RAPGEF1: variants seen among roughly 807,000 people sequenced by gnomAD.
RAPGEF1 encodes CRK SH3-binding GNRP.
In RAPGEF1, 33 loss-of-function variants were observed where a neutral mutation model predicts 143.3. The observed-to-expected ratio is 0.23, with a 90% CI of 0.17 to 0.31. The LOEUF is 0.31. Ranked by LOEUF, RAPGEF1 falls within the 10% of genes least tolerant of loss-of-function variation. The pLI, the probability that RAPGEF1 is intolerant of heterozygous loss-of-function variation, is 1.00. For missense variants in RAPGEF1, 1,199 were observed against 1,645.4 expected, an observed-to-expected ratio of 0.73 and a Z score of 4.69; for synonymous variants, 629 against 676.5, an observed-to-expected ratio of 0.93 and a Z score of 1.09.
At chr9:131,732,430 A>ATGCACTCAAGTGGAAGCTCAAAGAACG (rs1326220951) in intron 1 of RAPGEF1, among the ~76,000 whole-genome samples, 11 of 152,090 alleles carry the variant, frequency 7.2e-5, no homozygotes, top group African/African-American at 2.2e-4. Context: ...CTCAAAGAAC[A>ATGCACTCAAGTGGAAGCTCAAAGAACG]TGCACTCAAG....
chr9:131,614,487 G>A (rs887469491), intron 12 of RAPGEF1, among the ~76,000 whole-genome samples: 1 of 152,188 alleles, frequency 6.6e-6, no homozygotes, highest in African/African-American at 2.4e-5. Flanking sequence ...GGGTTTCTGT[G>A]ATGGCTCATC....
At chr9:131,706,011 T>C (rs548285314) in intron 1 of RAPGEF1, among the ~76,000 whole-genome samples, 84 of 152,342 alleles carry the variant, frequency 5.5e-4, no homozygotes, top group African/African-American at 2.0e-3. Context: ...TTGGCTCTGG[T>C]TAAAGTCTTA....
chr9:131,582,762 G>C, intron 24 of RAPGEF1, 60 bp from the exon 25 acceptor site: 10 of 1,408,662 alleles, frequency 7.1e-6, no homozygotes, highest in Non-Finnish European at 7.7e-6. Flanking sequence ...GGCAATGCTG[G>C]GGCAGAGCCC....
chr9:131,639,220 G>A (rs1420785884), intron 4 of RAPGEF1, among the ~76,000 whole-genome samples: 1 of 151,956 alleles, frequency 6.6e-6, no homozygotes, highest in African/African-American at 2.4e-5. Flanking sequence ...GTGCCACAAG[G>A]AGCCGACAGG....
intron 1 of RAPGEF1, among the ~76,000 whole-genome samples, chr9:131,695,688 T>C (rs992094732): frequency 6.6e-6 from 1 of 152,190 alleles, no homozygotes; most frequent in African/African-American, 2.4e-5. Context: ...GAAACTTAAC[T>C]GTCCATATGC....
chr9:131,601,864 G>A (rs1956324313), intron 15 of RAPGEF1, among the ~76,000 whole-genome samples, 197 bp downstream of exon 15: 1 of 152,142 alleles, frequency 6.6e-6, no homozygotes, highest in African/African-American at 2.4e-5. Context: ...CTGCAATTGT[G>A]CCACTGCACT....
chr9:131,654,971 CCTCT>C (rs1333592304), intron 1 of RAPGEF1, among the ~76,000 whole-genome samples: 2 of 152,134 alleles, frequency 1.3e-5, no homozygotes, highest in African/African-American at 2.4e-5. Flanking sequence ...AAAAGCACTC[CCTCT>C]GTCAAGTTTT....
chr9:131,703,844 C>T (rs556939975), intron 1 of RAPGEF1, among the ~76,000 whole-genome samples: 6 of 152,242 alleles, frequency 3.9e-5, no homozygotes, highest in Middle Eastern at 3.4e-3. Context: ...ATCAGGCATG[C>T]GATACCTTAA....
At chr9:131,707,318 A>G (rs900842383) in intron 1 of RAPGEF1, among the ~76,000 whole-genome samples, 7 of 152,260 alleles carry the variant, frequency 4.6e-5, no homozygotes, top group Non-Finnish European at 1.0e-4. Context: ...TACATGAAAG[A>G]AAGTATAACA....
intron 1 of RAPGEF1, among the ~76,000 whole-genome samples, chr9:131,666,128 G>C (rs1482026051): frequency 6.6e-6 from 1 of 152,202 alleles, no homozygotes; most frequent in Non-Finnish European, 1.5e-5. Flanking sequence ...CAGAGATGTA[G>C]ATAAGATGGT....
At position 131,588,931 on chromosome 9, in the gene RAPGEF1, G is replaced by C; in HGVS notation, c.2923C>G (p.Leu975Val). 1.2e-6 allele frequency: 2 copies of C among 1,613,972 alleles called. No individual in the cohort carries two copies. The highest frequency in any genetic ancestry group is 1.7e-5 in the Admixed American group (1 of 60,022). The change falls in exon 20 of 27, where the codon CTG becomes GTG. Residue 975 changes from leucine (L) to valine (V), a missense_variant. Physicochemically the swap from Leu to Val is conservative, Grantham distance 32. Around this residue, in one of 6 missense-constraint regions of RAPGEF1, gnomAD observed 209 missense variants for 403.0 expected, o/e 0.52. Coordinates refer to ENST00000683357, the MANE Select transcript of RAPGEF1 (RefSeq NM_001377935.1). Reference protein sequence around the residue: ...LKLLMELVFRLVCNGELSLAR... With the variant: ...LKLLMELVFRVVCNGELSLAR... ...AGGCTCAGCTCCCCATTGCACACCA[G>C]GCGGAAGACCAGTTCCATCAGCAGC... is the stretch of plus-strand genomic sequence containing the variant.
chr9:131,691,216 T>C (rs1456079945), intron 1 of RAPGEF1, among the ~76,000 whole-genome samples: 2 of 152,358 alleles, frequency 1.3e-5, no homozygotes, highest in East Asian at 3.9e-4. Flanking sequence ...TGTGATACTA[T>C]TTTAATTGTT....
At chr9:131,636,425 CTCCT>C (rs1438786851) in intron 5 of RAPGEF1, among the ~76,000 whole-genome samples, 1 of 152,194 alleles carries the variant, frequency 6.6e-6, no homozygotes, top group South Asian at 2.1e-4. Context: ...AGGTTTCTCT[CTCCT>C]TTTTTTTTCC....
chr9:131,725,722 C>T lies in RAPGEF1; in HGVS notation c.61+14048G>A, dbSNP rs140188053. On this transcript the variant is annotated intron_variant, in intron 1 of 26. Transcript: ENST00000683357. ...TTTGTATATCTCCTTTGGAGAAATGCCTATTCAAGCCCTTTGCCCATTTAA... is the reference window on the plus strand; with the variant it reads ...TTTGTATATCTCCTTTGGAGAAATGTCTATTCAAGCCCTTTGCCCATTTAA... Among the ~76,000 whole-genome samples the T allele has an allele frequency of 3.2e-3, 488 of 151,390 alleles. 1 individual carries two copies. The highest frequency in any genetic ancestry group is 4.8e-3 in the Non-Finnish European group (327 of 67,902).
intron 10 of RAPGEF1, among the ~76,000 whole-genome samples, chr9:131,624,284 C>T (rs1380554639): frequency 6.6e-6 from 1 of 152,176 alleles, no homozygotes; most frequent in Non-Finnish European, 1.5e-5. Flanking sequence ...GACTACCTTC[C>T]ATAGGGCATG....
intron 1 of RAPGEF1, among the ~76,000 whole-genome samples, chr9:131,736,071 G>C (rs373316799): frequency 6.6e-6 from 1 of 152,096 alleles, no homozygotes; most frequent in South Asian, 2.1e-4. Flanking sequence ...CACAGTAACT[G>C]CTTGCACAAC....
Position 131,739,867 on chromosome 9 carries a change from G to A in RAPGEF1, c.-37C>T, listed in dbSNP as rs1467385511. 3.6e-5 allele frequency: 36 copies of A among 993,134 alleles called. No homozygotes were observed. Among genetic ancestry groups the A allele is most frequent in the Non-Finnish European group, 4.3e-5 (36 of 837,484 alleles). 61.5% of individuals were successfully genotyped at this position (993,134 alleles called of 1,614,324 possible). A position where few individuals can be genotyped will look rare whatever the true frequency, so the allele number is the denominator to read the frequency against. ...CGGGCCGCCGCGGGGCGACAGGGGC[G>A]GCGCGCCCGCCGCTCGCCTCGGCCC... is the stretch of plus-strand genomic sequence containing the variant. On this transcript the variant is annotated 5_prime_UTR_variant, in exon 1 of 27. Transcript: ENST00000683357.
At chr9:131,593,328 A>AT (rs1954675466) in intron 17 of RAPGEF1, among the ~76,000 whole-genome samples, 1 of 152,140 alleles carries the variant, frequency 6.6e-6, no homozygotes, top group African/African-American at 2.4e-5. Flanking sequence ...GCTGTCTCTG[A>AT]TATTACAGAA....
At chr9:131,729,615 T>C (rs1470399339) in intron 1 of RAPGEF1, among the ~76,000 whole-genome samples, 2 of 152,104 alleles carry the variant, frequency 1.3e-5, no homozygotes, top group Non-Finnish European at 2.9e-5. Context: ...TGCCGGCAAG[T>C]CAGCCCTAGA....
Sources: allele counts gnomAD v4.1 joint callset (sites outside exome capture counted in the v4.1 genomes callset), GRCh38; gene constraint gnomAD v4.1.1; regional missense constraint gnomAD v4.1.1; transcripts MANE v1.5; gene names NCBI Gene and HGNC (gene_info 2026-07-23, HGNC 2026-07-21).